Variants in RALGAPA1 observed in about 807,000 individuals in gnomAD.
The protein encoded by RALGAPA1 is ral GTPase-activating protein subunit alpha-1.
Under a neutral mutation model 269.6 loss-of-function variants are expected in RALGAPA1, and 52 were observed. That is an observed-to-expected ratio of 0.19 (90% CI 0.15 to 0.24). The LOEUF (loss-of-function observed/expected upper bound fraction) is 0.24. Among genes scored for constraint, RALGAPA1 ranks in the 10% least tolerant of loss-of-function variants. The probability of loss-of-function intolerance (pLI) is 1.00; values close to 1 mark genes in which losing one functional copy is unlikely to be tolerated. For synonymous variants in RALGAPA1, 817 were observed against 1,008.3 expected, an observed-to-expected ratio of 0.81 and a Z score of 3.60; for missense variants, 1,917 against 3,013.9, an observed-to-expected ratio of 0.64 and a Z score of 8.52.
At position 35,685,701 on chromosome 14, in the gene RALGAPA1, C is replaced by T. The variant is rs772786884; in HGVS notation, c.4078-556G>A. Among the ~76,000 whole-genome samples, 4 of 152,024 alleles carry T rather than the reference C, an allele frequency of 2.6e-5. No homozygotes were observed. The East Asian group carries it at 7.7e-4, about 29-fold the overall frequency. On this transcript the variant is annotated intron_variant, in intron 19 of 41. Transcript: ENST00000680220. Reference sequence around the variant, plus strand: ...GGCAGATCACCTGAGGTCAGGAGTTCGAGACCAGTCTGGCCAACATGGTGA... The same window carrying T: ...GGCAGATCACCTGAGGTCAGGAGTTTGAGACCAGTCTGGCCAACATGGTGA...
chr14:35,803,426 G>A (rs868166198), intron 1 of RALGAPA1, among the ~76,000 whole-genome samples: 1 of 151,916 alleles, frequency 6.6e-6, no homozygotes, highest in Admixed American at 6.6e-5. Flanking sequence ...TCATGGGTTA[G>A]GCAAAGATTT....
At chr14:35,788,384 A>AT (rs1220408005) in intron 1 of RALGAPA1, among the ~76,000 whole-genome samples, 6 of 151,994 alleles carry the variant, frequency 3.9e-5, no homozygotes. Flanking sequence ...TGATGCTTGA[A>AT]TTTTTTCCAT....
chr14:35,748,480 C>T, intron 10 of RALGAPA1, 105 bp downstream of exon 10: 1 of 1,316,414 alleles, frequency 7.6e-7, no homozygotes, highest in South Asian at 1.9e-5. Context: ...TCCTGAACAA[C>T]TACAACTAAA....
At chr14:35,785,538 AG>A (rs2075735410) in intron 1 of RALGAPA1, among the ~76,000 whole-genome samples, 1 of 152,244 alleles carries the variant, frequency 6.6e-6, no homozygotes. Flanking sequence ...GGATAAAGGC[AG>A]AGGAAGTTAA....
At chr14:35,691,070 A>AAATAAT (rs745623427) in intron 17 of RALGAPA1, among the ~76,000 whole-genome samples, 1 of 149,358 alleles carries the variant, frequency 6.7e-6, no homozygotes, top group Admixed American at 6.7e-5. Context: ...ACTCCGTCTC[A>AAATAAT]AATAATAATA....
At position 35,548,886 on chromosome 14, in the gene RALGAPA1, A is replaced by G. The variant is rs115065889; in HGVS notation, c.7621+224T>C. On this transcript the variant is annotated intron_variant, in intron 40 of 41. Transcript: ENST00000680220. ...GAGTCATTGAATATTAGCTCATATA[A>G]AATGTGGTACATGTACTTTTATGAA... 5.3e-3 allele frequency among the ~76,000 whole-genome samples: 808 copies of G among 152,278 alleles called. 7 individuals carry two copies. The highest frequency in any genetic ancestry group is 0.018 in the African/African-American group (763 of 41,578).
In RALGAPA1 at chr14:35,677,965, T is replaced by C; in HGVS notation, c.4609A>G (p.Thr1537Ala). Residue 1537 changes from threonine to alanine, a missense_variant, in exon 22 of 42, where the codon ACA (threonine) becomes GCA (alanine). This residue lies in a region of RALGAPA1 where 73 missense variants were observed against 190.6 expected (regional missense o/e 0.38). Coordinates refer to ENST00000680220, the MANE Select transcript of RALGAPA1 (RefSeq NM_001346249.2). ...DEKLHHSVLQ[T>A]PDDLEISEFP... ...GAAATATTGCCTAGATCATCTGGTGTCTGAAGAACAGAGTGGTGGAGCTTC... is the reference window on the plus strand; with the variant it reads ...GAAATATTGCCTAGATCATCTGGTGCCTGAAGAACAGAGTGGTGGAGCTTC... 6.2e-7 allele frequency: 1 copy of C among 1,613,554 alleles called. No homozygotes were observed. Among genetic ancestry groups the C allele is most frequent in the Non-Finnish European group, 8.5e-7 (1 of 1,179,880 alleles).
At chr14:35,767,422 T>C (rs1282106566) in intron 4 of RALGAPA1, among the ~76,000 whole-genome samples, 1 of 152,154 alleles carries the variant, frequency 6.6e-6, no homozygotes, top group Non-Finnish European at 1.5e-5. Context: ...GCGCAGTGAC[T>C]CACACCTGTA....
chr14:35,736,102 G>C (rs773014662), intron 12 of RALGAPA1, among the ~76,000 whole-genome samples: 1 of 152,164 alleles, frequency 6.6e-6, no homozygotes, highest in Non-Finnish European at 1.5e-5. Context: ...CAATATTACA[G>C]ATGAAAGATT....
intron 12 of RALGAPA1, among the ~76,000 whole-genome samples, chr14:35,736,175 C>G (rs2070978243): frequency 6.6e-6 from 1 of 152,044 alleles, no homozygotes; most frequent in Admixed American, 6.6e-5. Flanking sequence ...ATTCTGTACA[C>G]ATTATGAAGG....
chr14:35,732,529 G>T (rs1054406653), intron 12 of RALGAPA1, among the ~76,000 whole-genome samples: 3 of 152,114 alleles, frequency 2.0e-5, no homozygotes, highest in Admixed American at 6.6e-5. Flanking sequence ...AACACAGAAG[G>T]ACTCGCATAA....
chr14:35,560,933 A>C (rs770324986), intron 39 of RALGAPA1, among the ~76,000 whole-genome samples: 7 of 152,202 alleles, frequency 4.6e-5, no homozygotes, highest in Non-Finnish European at 1.0e-4. Context: ...CAGTACTTTT[A>C]AAATACGGTA....
intron 6 of RALGAPA1, among the ~76,000 whole-genome samples, chr14:35,759,444 G>A (rs1283124059): frequency 2.0e-5 from 3 of 152,128 alleles, no homozygotes; most frequent in African/African-American, 4.8e-5. Context: ...CCAATTGGCT[G>A]TTAATTAAGC....
chr14:35,799,799 T>C (rs545887654), intron 1 of RALGAPA1, among the ~76,000 whole-genome samples: 15 of 152,184 alleles, frequency 9.9e-5, no homozygotes, highest in Non-Finnish European at 1.6e-4. Context: ...TTAAAAGGCA[T>C]AGATAATTAG....
chr14:35,697,071 A>C (rs149972209), intron 17 of RALGAPA1, among the ~76,000 whole-genome samples: 1 of 151,876 alleles, frequency 6.6e-6, no homozygotes, highest in Non-Finnish European at 1.5e-5. Flanking sequence ...ATTTTCTCTT[A>C]TCTCTTCCAC....
intron 7 of RALGAPA1, among the ~76,000 whole-genome samples, chr14:35,754,017 C>T (rs1038054152): frequency 4.6e-5 from 7 of 152,106 alleles, no homozygotes; most frequent in Non-Finnish European, 1.0e-4. Flanking sequence ...GTAATACTTA[C>T]TGATATTACA....
intron 39 of RALGAPA1, among the ~76,000 whole-genome samples, chr14:35,557,510 C>G (rs944834839): frequency 1.3e-5 from 2 of 152,118 alleles, no homozygotes; most frequent in Admixed American, 1.3e-4. Flanking sequence ...CTATGATAAG[C>G]AGTACATTGG....
chr14:35,676,275 G>A (rs997878189), intron 22 of RALGAPA1: 18 of 151,382 alleles, frequency 1.2e-4, no homozygotes, highest in African/African-American at 3.6e-4. Context: ...GTGGCAGCAC[G>A]ACCTCAGTTC....
intron 7 of RALGAPA1, among the ~76,000 whole-genome samples, chr14:35,754,552 C>T (rs986834376): frequency 8.5e-5 from 13 of 152,278 alleles, no homozygotes; most frequent in Admixed American, 2.6e-4. Flanking sequence ...GCTAAAATTA[C>T]AAATTGACCG....
Sources: allele counts gnomAD v4.1 joint callset (sites outside exome capture counted in the v4.1 genomes callset), GRCh38; gene constraint gnomAD v4.1.1; regional missense constraint gnomAD v4.1.1; transcripts MANE v1.5; gene names NCBI Gene and HGNC (gene_info 2026-07-23, HGNC 2026-07-21).